Variants in ZNF420 observed in about 807,000 individuals in gnomAD.
ZNF420 encodes the protein zinc finger protein 420.
In ZNF420, 31 loss-of-function variants were observed where a neutral mutation model predicts 44.7. The ratio of observed to expected loss-of-function variants is 0.69; its 90% CI spans 0.52 to 0.94. The LOEUF (loss-of-function observed/expected upper bound fraction) is 0.94. Among genes scored for constraint, ZNF420 ranks in the 40% least tolerant of loss-of-function variants. The probability of loss-of-function intolerance (pLI) is 0.00; values close to 1 mark genes in which losing one functional copy is unlikely to be tolerated. For missense variants in ZNF420, 681 were observed against 827.9 expected, an observed-to-expected ratio of 0.82 and a Z score of 2.18; for synonymous variants, 245 against 267.4, an observed-to-expected ratio of 0.92 and a Z score of 0.82.
intron 1 of ZNF420, among the ~76,000 whole-genome samples, chr19:37,059,273 G>T (rs1293709333): frequency 6.6e-6 from 1 of 152,176 alleles, no homozygotes; most frequent in Non-Finnish European, 1.5e-5. Context: ...GGCTGCAGCA[G>T]GAGCTTCCCT....
chr19:37,117,690 T>G (rs1970774993), intron 4 of ZNF420, among the ~76,000 whole-genome samples: 1 of 140,414 alleles, frequency 7.1e-6, no homozygotes, highest in Non-Finnish European at 1.5e-5. Context: ...CAGGAGGAAA[T>G]TCAAACCAAT....
At chr19:37,022,495 A>G (rs1568421524) in intron 1 of ZNF420, among the ~76,000 whole-genome samples, 1 of 152,290 alleles carries the variant, frequency 6.6e-6, no homozygotes, top group South Asian at 2.1e-4. Context: ...GTTTATCCAG[A>G]ATGAATTCAA....
At chr19:37,097,584 C>A (rs1249513777) in intron 4 of ZNF420, among the ~76,000 whole-genome samples, 1 of 152,098 alleles carries the variant, frequency 6.6e-6, no homozygotes, top group Non-Finnish European at 1.5e-5. Context: ...ATACTCTTAA[C>A]TAGGTTTTTA....
chr19:37,122,545 A>G (rs987690295), intron 4 of ZNF420, among the ~76,000 whole-genome samples: 4 of 152,122 alleles, frequency 2.6e-5, no homozygotes, highest in Admixed American at 6.5e-5. Context: ...GTACACCAAC[A>G]TGGCACATGT....
intron 1 of ZNF420, among the ~76,000 whole-genome samples, chr19:37,069,146 C>A (rs1337767691): frequency 6.6e-6 from 1 of 152,074 alleles, no homozygotes; most frequent in Non-Finnish European, 1.5e-5. Context: ...CTGCAAAAGA[C>A]AAATTCTCAT....
intron 2 of ZNF420, among the ~76,000 whole-genome samples, chr19:37,085,582 G>A (rs1968712564): frequency 6.6e-6 from 1 of 152,116 alleles, no homozygotes; most frequent in African/African-American, 2.4e-5. Context: ...GCTGTTATGC[G>A]TGTTTACATT....
chr19:37,109,069 A>G (rs1404308532), intron 4 of ZNF420, among the ~76,000 whole-genome samples: 1 of 152,218 alleles, frequency 6.6e-6, no homozygotes, highest in Non-Finnish European at 1.5e-5. Flanking sequence ...TTACCATGTG[A>G]TAAGTGAATC....
chr19:37,087,295 AAATAAATAAATAAATAAAT>A (rs1568446906), intron 2 of ZNF420, among the ~76,000 whole-genome samples: 5 of 65,344 alleles, frequency 7.7e-5, no homozygotes, highest in African/African-American at 1.7e-4. Context: ...AAAAAAAAAT[AAATAAATAAATAAATAAAT>A]AAATAAATAA....
chr19:37,117,384 A>T (rs1970756251), intron 4 of ZNF420, among the ~76,000 whole-genome samples: 1 of 152,188 alleles, frequency 6.6e-6, no homozygotes, highest in Non-Finnish European at 1.5e-5. Context: ...CCTCTAGCAA[A>T]CTCCAACAGA....
At chr19:37,034,994 C>T (rs1002628159) in intron 1 of ZNF420, among the ~76,000 whole-genome samples, 2 of 152,208 alleles carry the variant, frequency 1.3e-5, no homozygotes, top group African/African-American at 4.8e-5. Context: ...GAGGAAGACC[C>T]TCGCTTACCC....
chr19:37,008,174 A>C (rs2074542667), intron 1 of ZNF420: 1 of 307,682 alleles, frequency 3.3e-6, no homozygotes, highest in Admixed American at 4.7e-5. Context: ...GGTCGTTCTC[A>C]CAGAGAGCAG....
At chr19:37,047,239 G>A (rs1240747871) in intron 1 of ZNF420, among the ~76,000 whole-genome samples, 2 of 152,222 alleles carry the variant, frequency 1.3e-5, no homozygotes, top group Non-Finnish European at 1.5e-5. Context: ...CAATGTCATA[G>A]TATTAGGAAG....
At chr19:37,054,250 G>A (rs900364474) in intron 1 of ZNF420, among the ~76,000 whole-genome samples, 92 of 152,184 alleles carry the variant, frequency 6.0e-4, no homozygotes, top group African/African-American at 3.9e-4. Flanking sequence ...TCCAGGTGCC[G>A]TCTGTCACCC....
At chr19:37,066,434 CA>C (rs201752057) in intron 1 of ZNF420, among the ~76,000 whole-genome samples, 27 of 141,202 alleles carry the variant, frequency 1.9e-4, no homozygotes, top group Admixed American at 2.1e-4. Context: ...GAGTCTGTCT[CA>C]AAAAAAAAAA....
At chr19:37,074,790 A>G (rs544193000), upstream of ZNF420, among the ~76,000 whole-genome samples, 1 of 152,334 alleles carries the variant, frequency 6.6e-6, no homozygotes, top group South Asian at 2.1e-4. Flanking sequence ...ATAAACAAAA[A>G]TATGTAAATA....
chr19:37,014,881 G>A (rs916802660), intron 1 of ZNF420, among the ~76,000 whole-genome samples: 1 of 152,166 alleles, frequency 6.6e-6, no homozygotes, highest in African/African-American at 2.4e-5. Context: ...GCCGAACTAG[G>A]CTGAAGAAAC....
intron 4 of ZNF420, among the ~76,000 whole-genome samples, chr19:37,104,320 CT>C (rs1400716222): frequency 3.3e-5 from 5 of 152,034 alleles, no homozygotes; most frequent in Non-Finnish European, 7.4e-5. Context: ...TGAACTCATC[CT>C]TTTTTATGGC....
chr19:37,083,699 C>T (rs1392315006), intron 2 of ZNF420, among the ~76,000 whole-genome samples: 4 of 152,088 alleles, frequency 2.6e-5, no homozygotes, highest in South Asian at 2.1e-4. Flanking sequence ...CCAGACTTTC[C>T]GTGCTGACAG....
intron 1 of ZNF420, among the ~76,000 whole-genome samples, chr19:37,046,960 A>G (rs1036339455): frequency 6.6e-6 from 1 of 151,834 alleles, no homozygotes; most frequent in African/African-American, 2.4e-5. Flanking sequence ...GATTTATCCA[A>G]TTTTGTGCAC....
Sources: allele counts gnomAD v4.1 joint callset (sites outside exome capture counted in the v4.1 genomes callset), GRCh38; gene constraint gnomAD v4.1.1; transcripts MANE v1.5; gene names NCBI Gene and HGNC (gene_info 2026-07-23, HGNC 2026-07-21).